The following DUSP16 variants were observed in gnomAD, a reference collection of about 807,000 sequenced individuals.
DUSP16 encodes dual specificity phosphatase 16.
Under a neutral mutation model 58.3 loss-of-function variants are expected in DUSP16, and 21 were observed. That is an observed-to-expected ratio of 0.36 (90% confidence interval 0.26 to 0.52). DUSP16 has a LOEUF of 0.52. Ranked by LOEUF, DUSP16 falls within the 20% of genes least tolerant of loss-of-function variation. The probability of loss-of-function intolerance (pLI) is 0.94; values close to 1 mark genes in which losing one functional copy is unlikely to be tolerated. For missense variants in DUSP16, 726 were observed against 819.0 expected, an observed-to-expected ratio of 0.89 and a Z score of 1.39; for synonymous variants, 320 against 323.8, an observed-to-expected ratio of 0.99 and a Z score of 0.12.
intron 5 of DUSP16, among the ~76,000 whole-genome samples, chr12:12,482,119 ACT>A (rs1281552976): frequency 8.6e-5 from 13 of 151,940 alleles, no homozygotes; most frequent in African/African-American, 2.7e-4. Flanking sequence ...TGTTGACAAT[ACT>A]CTCTCATTAA....
intron 1 of DUSP16, among the ~76,000 whole-genome samples, chr12:12,551,928 G>A (rs1481864971): frequency 6.6e-6 from 1 of 152,004 alleles, no homozygotes; most frequent in East Asian, 2.0e-4. Context: ...TCCTGACCTC[G>A]TGATCCACCT....
intron 1 of DUSP16, among the ~76,000 whole-genome samples, chr12:12,534,009 C>T (rs1351347982): frequency 1.3e-5 from 2 of 152,298 alleles, no homozygotes; most frequent in East Asian, 3.9e-4. Flanking sequence ...TACCCTACAA[C>T]ACACAAACTA....
intron 3 of DUSP16, among the ~76,000 whole-genome samples, chr12:12,504,290 A>G (rs991701087): frequency 9.2e-5 from 14 of 152,136 alleles, no homozygotes; most frequent in African/African-American, 3.4e-4. Flanking sequence ...TCTTAAAGAC[A>G]GGGTCTCACT....
chr12:12,521,344 T>A lies in DUSP16; in HGVS notation c.-246A>T. ...CACAAAGCAGCCCCTCACATTTGAT[T>A]CATAAAGAGATGACTGGAATAACCA... is the stretch of plus-strand genomic sequence containing the variant. On this transcript the variant is annotated 5_prime_UTR_variant, in exon 2 of 7. The change abolishes the stop of an existing upstream ORF in the 5' untranslated region. Transcript: ENST00000298573. 3 of 1,382,226 alleles carry A rather than the reference T, an allele frequency of 2.2e-6. No homozygotes were observed. The highest frequency in any genetic ancestry group is 2.8e-6 in the Non-Finnish European group (3 of 1,067,140). 85.6% of individuals were successfully genotyped at this position (1,382,226 alleles called of 1,614,324 possible).
rs1944207953 is a variant in DUSP16 at position 12,519,980 on chromosome 12, C to T, written c.249G>A (p.Gln83=). 6.2e-7 allele frequency: 1 copy of T among 1,614,014 alleles called. No homozygotes were observed. Among genetic ancestry groups the T allele is most frequent in the African/African-American group, 1.3e-5 (1 of 74,934 alleles). ...AGCTTTGATCGTAAACTACAACCTT[C>T]TGACTGCAATCAATGTCAACCTGAA... ...AKHKVDIDCS[Q]KVVVYDQSSQ... is the part of the protein sequence containing the mutation. The change falls in exon 3 of 7, where the codon CAG becomes CAA. Residue 83 remains glutamine, a synonymous_variant. Coordinates refer to ENST00000298573, the MANE Select transcript of DUSP16 (RefSeq NM_030640.3).
chr12:12,477,850 T>C lies in DUSP16; in HGVS notation c.981A>G (p.Ser327=), dbSNP rs1943486171. The part of the protein sequence containing the change: ...EKPNEPVPAV[S]EGGQKSETPL... Reference sequence around the variant, plus strand: ...GCGTCTCGCTTTTCTGTCCACCCTCTGAGACAGCAGGGACAGGTTCATTTG... The same window carrying C: ...GCGTCTCGCTTTTCTGTCCACCCTCCGAGACAGCAGGGACAGGTTCATTTG... The change falls in exon 7 of 7, where the codon TCA becomes TCG. Residue 327 remains serine (S), a synonymous_variant. Transcript: ENST00000298573. This position sits in a 1 kb window ranked among gnomAD's most constrained non-coding sequence, Gnocchi z 4.1. The C allele has an allele frequency of 6.2e-7, 1 of 1,614,014 alleles. No individual in the cohort carries two copies. Among genetic ancestry groups the C allele is most frequent in the Non-Finnish European group, 8.5e-7 (1 of 1,180,046 alleles).
intron 5 of DUSP16, among the ~76,000 whole-genome samples, chr12:12,485,636 G>C (rs768047167): frequency 6.6e-6 from 1 of 151,992 alleles, no homozygotes; most frequent in Non-Finnish European, 1.5e-5. Flanking sequence ...TCAGCCTCCC[G>C]AGTAGGCGGG....
At chr12:12,485,679 C>T (rs1378937693) in intron 5 of DUSP16, among the ~76,000 whole-genome samples, 1 of 151,320 alleles carries the variant, frequency 6.6e-6, no homozygotes, top group African/African-American at 2.4e-5. Flanking sequence ...CAAGGTTTTG[C>T]TATGTTGCCC....
Position 12,473,643 on chromosome 12 carries a change from T to A in DUSP16, c.*3190A>T, listed in dbSNP as rs2136177694. ...AACCAACTTCAAGGTCACCTGTGAT[T>A]CTTTCTGTAGTCAATATTCCATCTG... On this transcript the variant is annotated 3_prime_UTR_variant, in exon 7 of 7. Transcript: ENST00000298573. Among the ~76,000 whole-genome samples the A allele has an allele frequency of 6.6e-6, 1 of 152,332 alleles. No individual in the cohort carries two copies. Among genetic ancestry groups the A allele is most frequent in the East Asian group, 1.9e-4 (1 of 5,192 alleles).
chr12:12,555,616 C>T (rs189704652), intron 1 of DUSP16, among the ~76,000 whole-genome samples: 1 of 152,126 alleles, frequency 6.6e-6, no homozygotes, highest in Admixed American at 6.6e-5. Context: ...CGCAATTTGC[C>T]CCACCCCAAC....
chr12:12,531,023 A>G (rs1346851062), intron 1 of DUSP16, among the ~76,000 whole-genome samples: 1 of 152,192 alleles, frequency 6.6e-6, no homozygotes, highest in African/African-American at 2.4e-5. Context: ...ATCTATTAAT[A>G]TATGCACCCC....
At chr12:12,559,096 T>C (rs1944855398) in intron 1 of DUSP16, among the ~76,000 whole-genome samples, 3 of 151,980 alleles carry the variant, frequency 2.0e-5, no homozygotes, top group African/African-American at 7.2e-5. Flanking sequence ...CCCTTGATCA[T>C]CAAGGATAAT....
At chr12:12,506,954 G>A (rs904481943) in intron 3 of DUSP16, among the ~76,000 whole-genome samples, 2 of 152,140 alleles carry the variant, frequency 1.3e-5, no homozygotes, top group African/African-American at 4.8e-5. Context: ...ATTCAGCCAT[G>A]AAAACGTCTT....
At chr12:12,480,057 C>A (rs769913393) in intron 6 of DUSP16, among the ~76,000 whole-genome samples, 166 bp downstream of exon 6, 4 of 152,156 alleles carry the variant, frequency 2.6e-5, no homozygotes, top group Non-Finnish European at 5.9e-5. Flanking sequence ...AGTAAAACAG[C>A]ATTCTTTTCC....
intron 1 of DUSP16, among the ~76,000 whole-genome samples, chr12:12,541,160 T>C (rs1053330898): frequency 2.0e-5 from 3 of 152,062 alleles, no homozygotes; most frequent in Admixed American, 1.3e-4. Context: ...AGTTTCACCA[T>C]GTTGCCCAGA....
At chr12:12,527,326 A>C (rs1472583503) in intron 1 of DUSP16, among the ~76,000 whole-genome samples, 3 of 152,024 alleles carry the variant, frequency 2.0e-5, no homozygotes, top group Non-Finnish European at 4.4e-5. Context: ...ATCTGCAAGC[A>C]AACAAGAACT....
chr12:12,539,366 C>A (rs1444843478), intron 1 of DUSP16, among the ~76,000 whole-genome samples: 1 of 152,180 alleles, frequency 6.6e-6, no homozygotes, highest in Non-Finnish European at 1.5e-5. Context: ...CAAGGATATG[C>A]TGGGGCACAG....
intron 4 of DUSP16, among the ~76,000 whole-genome samples, chr12:12,490,436 T>A (rs10772570): frequency 0.53 from 80,172 of 151,944 alleles, 21,535 homozygotes; most frequent in East Asian, 0.71. Context: ...CTTAAATACT[T>A]AATATAATTT....
At chr12:12,551,278 G>A (rs996893638) in intron 1 of DUSP16, among the ~76,000 whole-genome samples, 7 of 151,880 alleles carry the variant, frequency 4.6e-5, no homozygotes, top group African/African-American at 1.7e-4. Context: ...TAGGCAGGCA[G>A]ATCACTTGAG....
Sources: gnomAD v4.1 joint callset for allele counts (sites outside exome capture counted in the v4.1 genomes callset) on GRCh38, gnomAD v4.1.1 for gene constraint, Gnocchi (gnomAD v3.1) non-coding constraint, MANE v1.5 for transcripts, NCBI Gene and HGNC (gene_info 2026-07-23, HGNC 2026-07-21) for gene names.